The following SHANK2 variants were observed in gnomAD, a reference collection of about 807,000 sequenced individuals.
The protein encoded by SHANK2 is SH3 and multiple ankyrin repeat domains 2.
A neutral mutation model predicts 133.7 loss-of-function variants in SHANK2; 43 were observed. That is an observed-to-expected ratio of 0.32 (90% CI 0.25 to 0.41). The LOEUF (loss-of-function observed/expected upper bound fraction) is 0.41, where lower values mean the gene tolerates loss of function less well. SHANK2 is among the 10% of genes least tolerant of loss of function. SHANK2 has a pLI of 1.00. For synonymous variants in SHANK2, 1,017 were observed against 952.8 expected, an observed-to-expected ratio of 1.07 and a Z score of -1.24; for missense variants, 1,994 against 2,235.8, an observed-to-expected ratio of 0.89 and a Z score of 2.18.
chr11:71,112,938 A>G (rs1951913416), intron 5 of SHANK2, among the ~76,000 whole-genome samples: 1 of 152,190 alleles, frequency 6.6e-6, no homozygotes, highest in Non-Finnish European at 1.5e-5. Context: ...AAGCAACAAC[A>G]GCAGAACACT....
chr11:70,908,483 T>G (rs1178392061), intron 10 of SHANK2, among the ~76,000 whole-genome samples: 3 of 152,214 alleles, frequency 2.0e-5, no homozygotes, highest in Non-Finnish European at 4.4e-5. Context: ...CTTTTCTTCC[T>G]GCCACAGTTT....
chr11:70,625,244 C>G (rs898118118), intron 17 of SHANK2, among the ~76,000 whole-genome samples: 1 of 152,152 alleles, frequency 6.6e-6, no homozygotes, highest in African/African-American at 2.4e-5. Flanking sequence ...TGTGACAACA[C>G]GCATGGGGCA....
intron 17 of SHANK2, among the ~76,000 whole-genome samples, chr11:70,605,972 G>C (rs1256647311): frequency 6.6e-6 from 1 of 152,076 alleles, no homozygotes; most frequent in Non-Finnish European, 1.5e-5. Context: ...GGGGTAAAAA[G>C]ATGGCATGAA....
At chr11:70,833,546 TC>T (rs1198630762) in intron 11 of SHANK2, among the ~76,000 whole-genome samples, 1 of 152,152 alleles carries the variant, frequency 6.6e-6, no homozygotes, top group Admixed American at 6.5e-5. Context: ...TGGGTTCAAA[TC>T]CCACAAGGTA....
chr11:70,650,516 C>A (rs1028969282), intron 17 of SHANK2, among the ~76,000 whole-genome samples: 9 of 152,202 alleles, frequency 5.9e-5, no homozygotes, highest in African/African-American at 2.2e-4. Flanking sequence ...AAGGGTTCAG[C>A]ACCCTGGAGA....
intron 2 of SHANK2, among the ~76,000 whole-genome samples, chr11:71,212,564 G>A (rs782217262): frequency 6.6e-6 from 1 of 152,148 alleles, no homozygotes; most frequent in Non-Finnish European, 1.5e-5. Flanking sequence ...CAGAGCAAAC[G>A]TGCCCATTCC....
chr11:70,838,827 A>G (rs1948861703), intron 11 of SHANK2, among the ~76,000 whole-genome samples: 1 of 152,170 alleles, frequency 6.6e-6, no homozygotes, highest in Non-Finnish European at 1.5e-5. Context: ...CCAGTCTCTC[A>G]GGCAACTCTG....
chr11:71,161,531 C>T (rs1445339310), intron 2 of SHANK2, among the ~76,000 whole-genome samples: 1 of 152,208 alleles, frequency 6.6e-6, no homozygotes, highest in Non-Finnish European at 1.5e-5. Context: ...TAATAAGAAC[C>T]TTGGTCTCCA....
At position 70,944,212 on chromosome 11, in the gene SHANK2, C is replaced by T. The variant is rs570038550; in HGVS notation, c.1108-47645G>A. On this transcript the variant is annotated intron_variant, in intron 10 of 25. Coordinates refer to ENST00000601538, the MANE Select transcript of SHANK2 (RefSeq NM_012309.5). ...TAAATTGCAGAGCGCAGGTCTATTC[C>T]TGTAAGGTGGAAACACATCTGGCAA... 2.6e-5 allele frequency among the ~76,000 whole-genome samples: 4 copies of T among 152,350 alleles called. No individual in the cohort carries two copies. The East Asian group carries it at 7.7e-4, about 29-fold the overall frequency.
chr11:70,690,486 A>ATTTTTT (rs1945258050), intron 15 of SHANK2, among the ~76,000 whole-genome samples: 1 of 38,780 alleles, frequency 2.6e-5, no homozygotes, highest in African/African-American at 8.7e-5. Context: ...AATACTTCCC[A>ATTTTTT]TGTTTTTTTT....
intron 12 of SHANK2, among the ~76,000 whole-genome samples, chr11:70,818,121 G>A (rs1275443293): frequency 1.3e-5 from 2 of 152,178 alleles, no homozygotes; most frequent in East Asian, 1.9e-4. Flanking sequence ...GTACAGAAGC[G>A]TGTATGCAGG....
At chr11:70,953,199 C>T (rs951830801) in intron 10 of SHANK2, among the ~76,000 whole-genome samples, 37 of 151,980 alleles carry the variant, frequency 2.4e-4, no homozygotes, top group African/African-American at 8.2e-4. Flanking sequence ...AGGAGGTGTC[C>T]GGGCCATGGG....
chr11:71,183,428 G>A (rs1463693417), intron 2 of SHANK2, among the ~76,000 whole-genome samples: 2 of 131,406 alleles, frequency 1.5e-5, no homozygotes, highest in African/African-American at 5.6e-5. Context: ...CAGCTGCTGG[G>A]CCAAGACTCT....
intron 4 of SHANK2, among the ~76,000 whole-genome samples, chr11:71,115,295 C>T (rs1555100120): frequency 6.6e-6 from 1 of 151,976 alleles, no homozygotes; most frequent in Non-Finnish European, 1.5e-5. Flanking sequence ...CATGGTGAAA[C>T]CCATCTCTAC....
At chr11:70,910,911 T>G (rs1404046223) in intron 10 of SHANK2, 8 of 450,314 alleles carry the variant, frequency 1.8e-5, no homozygotes, top group South Asian at 1.2e-4. Context: ...TGTGTGTGTG[T>G]GTGCGCGTGC....
chr11:70,473,025 T>G lies in SHANK2; in HGVS notation c.5394A>C (p.Leu1798=). 1 of 1,614,248 alleles carries G rather than the reference T, an allele frequency of 6.2e-7. No individual in the cohort carries two copies. Among genetic ancestry groups the G allele is most frequent in the Non-Finnish European group, 8.5e-7 (1 of 1,180,058 alleles). Reference sequence around the variant, plus strand: ...AGGCCTCTTTATGTTCACCCAAGTTTAGACTTTCCAGCCAATCGGCCACAT... The same window carrying G: ...AGGCCTCTTTATGTTCACCCAAGTTGAGACTTTCCAGCCAATCGGCCACAT... ...KPDVADWLES[L]NLGEHKEAFM... Residue 1798 remains leucine, a synonymous_variant, in exon 26 of 26, where the codon CTA becomes CTC. Coordinates refer to ENST00000601538, the MANE Select transcript of SHANK2 (RefSeq NM_012309.5). The surrounding 1 kb of genome is among the most constrained non-coding windows in gnomAD (Gnocchi z 5.9).
intron 17 of SHANK2, among the ~76,000 whole-genome samples, chr11:70,559,593 G>A (rs2059880807): frequency 6.6e-6 from 1 of 152,120 alleles, no homozygotes; most frequent in South Asian, 2.1e-4. Context: ...GCTTTCCTGG[G>A]GACACACCTG....
chr11:70,857,939 T>C (rs151331134), intron 11 of SHANK2, among the ~76,000 whole-genome samples: 15 of 152,328 alleles, frequency 9.8e-5, no homozygotes, highest in African/African-American at 3.6e-4. Context: ...GGTGCTTCAC[T>C]GCAGCCTCCA....
intron 15 of SHANK2, among the ~76,000 whole-genome samples, chr11:70,690,656 C>A (rs1945267260): frequency 7.0e-6 from 1 of 142,088 alleles, no homozygotes; most frequent in Non-Finnish European, 1.5e-5. Flanking sequence ...AACTTGGAGA[C>A]AAAACTTAGA....
Sources: gnomAD v4.1 joint callset for allele counts (sites outside exome capture counted in the v4.1 genomes callset) on GRCh38, gnomAD v4.1.1 for gene constraint, Gnocchi (gnomAD v3.1) non-coding constraint, MANE v1.5 for transcripts, NCBI Gene and HGNC (gene_info 2026-07-23, HGNC 2026-07-21) for gene names.